Variants in PCDHAC2 observed in about 807,000 individuals in gnomAD.
PCDHAC2 encodes the protein protocadherin alpha-C2.
Under a neutral mutation model 63.3 loss-of-function variants are expected in PCDHAC2, and 24 were observed. The ratio of observed to expected loss-of-function variants is 0.38; its 90% CI spans 0.27 to 0.53. PCDHAC2 has a LOEUF of 0.53. Among genes scored for constraint, PCDHAC2 ranks in the 20% least tolerant of loss-of-function variants. The probability of loss-of-function intolerance (pLI) is 0.81; values close to 1 mark genes in which losing one functional copy is unlikely to be tolerated. For synonymous variants in PCDHAC2, 569 were observed against 529.4 expected (o/e 1.07, Z -1.03); for missense variants, 1,181 against 1,275.2 (o/e 0.93, Z 1.12).
intron 3 of PCDHAC2, among the ~76,000 whole-genome samples, chr5:140,989,551 C>T (rs964653534): frequency 2.0e-5 from 3 of 152,178 alleles, no homozygotes; most frequent in African/African-American, 4.8e-5. Flanking sequence ...AATTCCTTTA[C>T]GTTTTGTGGC....
In PCDHAC2 at chr5:140,969,260, C is replaced by G. The variant is rs782595245; in HGVS notation, c.2494C>G (p.Leu832Val). Reference sequence around the variant, plus strand: ...AGCAGCAGTGACTGACAGCAGGAATCTCACAGGCCAAAGTGGTCAGAATGC... The same window carrying G: ...AGCAGCAGTGACTGACAGCAGGAATGTCACAGGCCAAAGTGGTCAGAATGC... ...AQAAVTDSRN[L>V]TGQSGQNAGN... Residue 832 changes from leucine to valine, a missense_variant, in exon 1 of 4, where the codon CTC becomes GTC. By Grantham distance (32) the Leu-to-Val change is conservative. Transcript: ENST00000289269. The G allele has an allele frequency of 6.2e-7, 1 of 1,614,228 alleles. No homozygotes were observed. Among genetic ancestry groups the G allele is most frequent in the South Asian group, 1.1e-5 (1 of 91,086 alleles).
At chr5:140,977,831 T>C (rs987042342) in intron 1 of PCDHAC2, among the ~76,000 whole-genome samples, 3 of 152,240 alleles carry the variant, frequency 2.0e-5, no homozygotes, top group Admixed American at 1.3e-4. Flanking sequence ...AATGGTCTAT[T>C]GATATTACTA....
Position 140,968,681 on chromosome 5 carries a change from A to G in PCDHAC2, c.1915A>G (p.Thr639Ala). ...DLDLFKVELH[T>A]GEIRTTRKMG... is the part of the protein sequence containing the mutation. ...GGACCTCTTTAAGGTAGAGCTGCACACAGGAGAAATTAGGACTACCAGGAA... is the reference window on the plus strand; with the variant it reads ...GGACCTCTTTAAGGTAGAGCTGCACGCAGGAGAAATTAGGACTACCAGGAA... The change falls in exon 1 of 4, where the codon ACA becomes GCA. Residue 639 changes from threonine to alanine, a missense_variant. By Grantham distance (58) the Thr-to-Ala change is moderately conservative. This residue lies in a region of PCDHAC2 where 968 missense variants were observed against 1,073.5 expected (regional missense o/e 0.90). Coordinates refer to ENST00000289269, the MANE Select transcript of PCDHAC2 (RefSeq NM_018899.6). 3 of 1,614,158 alleles carry G rather than the reference A, an allele frequency of 1.9e-6. No individual in the cohort carries two copies. The highest frequency in any genetic ancestry group is 2.5e-6 in the Non-Finnish European group (3 of 1,180,024).
intron 3 of PCDHAC2, among the ~76,000 whole-genome samples, chr5:140,999,451 C>T (rs1245812469): frequency 4.6e-5 from 7 of 152,084 alleles, no homozygotes; most frequent in African/African-American, 9.7e-5. Context: ...ATTCGTTCAA[C>T]GAATAAGTGG....
intron 3 of PCDHAC2, among the ~76,000 whole-genome samples, chr5:141,005,308 T>TA (rs2098205734): frequency 6.6e-6 from 1 of 152,214 alleles, no homozygotes; most frequent in Non-Finnish European, 1.5e-5. Context: ...TTGTGAATCT[T>TA]ACAGTGGTAG....
At chr5:141,004,156 A>G (rs2098155888) in intron 3 of PCDHAC2, among the ~76,000 whole-genome samples, 1 of 152,248 alleles carries the variant, frequency 6.6e-6, no homozygotes, top group Admixed American at 6.5e-5. Flanking sequence ...GACATTTTAT[A>G]GGCAAAGCCA....
At position 141,007,395 on chromosome 5, in the gene PCDHAC2, C is replaced by CA. The variant is rs35800918; in HGVS notation, c.2714-2209dup. 5.3e-3 allele frequency among the ~76,000 whole-genome samples: 498 copies of CA among 94,810 alleles called. 4 individuals carry two copies. The highest frequency in any genetic ancestry group is 0.049 in the East Asian group (166 of 3,398). 62.2% of individuals were successfully genotyped at this position (94,810 alleles called of 152,430 possible). On this transcript the variant is annotated intron_variant, in intron 3 of 3. Transcript: ENST00000289269. The stretch of plus-strand genomic sequence containing the variant: ...ATGGAACACCATCTCTACTAAAATA[C>CA]AAAAAAAAAAAAAAAAAAAAAAATT...
intron 3 of PCDHAC2, among the ~76,000 whole-genome samples, chr5:141,004,794 G>A (rs1272334301): frequency 6.6e-6 from 1 of 152,144 alleles, no homozygotes; most frequent in Non-Finnish European, 1.5e-5. Context: ...GGCAGATTCT[G>A]GCTGAGCTCA....
chr5:140,995,954 A>G (rs2097705768), intron 3 of PCDHAC2, among the ~76,000 whole-genome samples: 1 of 152,226 alleles, frequency 6.6e-6, no homozygotes, highest in South Asian at 2.1e-4. Context: ...TGCACGCAAA[A>G]TGCTTAGAAC....
chr5:141,000,389 C>CTATA (rs2097911342), intron 3 of PCDHAC2, among the ~76,000 whole-genome samples: 3 of 62,588 alleles, frequency 4.8e-5, no homozygotes, highest in Non-Finnish European at 8.6e-5. Flanking sequence ...CTCTCTCTCT[C>CTATA]TCTCTCTATA....
intron 1 of PCDHAC2, among the ~76,000 whole-genome samples, chr5:140,971,291 C>T (rs541777110): frequency 1.1e-4 from 17 of 152,164 alleles, no homozygotes; most frequent in Admixed American, 3.3e-4. Flanking sequence ...TTAATATGTA[C>T]TTTGGTACAC....
At chr5:140,984,784 A>G (rs1022121650) in intron 3 of PCDHAC2, among the ~76,000 whole-genome samples, 4 of 152,168 alleles carry the variant, frequency 2.6e-5, no homozygotes, top group Non-Finnish European at 4.4e-5. Context: ...TTGCTGGGTG[A>G]GCATAGACAA....
In PCDHAC2 at chr5:140,967,642, C is replaced by T. The variant is rs1554229731; in HGVS notation, c.876C>T (p.Leu292=). 2 of 1,614,164 alleles carry T rather than the reference C, an allele frequency of 1.2e-6. No homozygotes were observed. Residue 292 remains leucine, a synonymous_variant, in exon 1 of 4, where the codon CTC becomes CTT. Transcript: ENST00000289269. The stretch of plus-strand genomic sequence containing the variant: ...CGGATGAGGGCTCCAATGGTGAGCT[C>T]AGGTACTCCTTGAGCAGCTACACGT... The part of the protein sequence containing the change: ...SDPDEGSNGE[L]RYSLSSYTSD...
intron 3 of PCDHAC2, among the ~76,000 whole-genome samples, chr5:140,997,260 T>G (rs1364203100): frequency 6.6e-6 from 1 of 152,196 alleles, no homozygotes; most frequent in Admixed American, 6.5e-5. Flanking sequence ...GGTTCACTCT[T>G]CCAAATATTT....
chr5:140,968,909 G>T lies in PCDHAC2; in HGVS notation c.2143G>T (p.Val715Leu). The part of the protein sequence containing the change: ...TLYLIIALST[V>L]SFIFLLTIII... ...TTATCTAATAATAGCATTAAGCACA[G>T]TGTCTTTTATATTTCTTTTGACAAT... Residue 715 changes from valine (V) to leucine (L), a missense_variant, in exon 1 of 4, where the codon GTG becomes TTG. Around this residue, in one of 3 missense-constraint regions of PCDHAC2, gnomAD observed 968 missense variants for 1,073.5 expected, o/e 0.90. Coordinates refer to ENST00000289269, the MANE Select transcript of PCDHAC2 (RefSeq NM_018899.6). 6.2e-7 allele frequency: 1 copy of T among 1,614,172 alleles called. No homozygotes were observed. Among genetic ancestry groups the T allele is most frequent in the East Asian group, 2.2e-5 (1 of 44,878 alleles).
rs545348313 is a variant in PCDHAC2, at chr5:140,968,526, C to T, written c.1760C>T (p.Ser587Leu). ...PHILYPTSTN[S>L]SAAFEMVPRT... ...ATTCTGTACCCTACCTCAACCAACTCGTCAGCAGCCTTCGAGATGGTGCCT... is the reference window on the plus strand; with the variant it reads ...ATTCTGTACCCTACCTCAACCAACTTGTCAGCAGCCTTCGAGATGGTGCCT... Residue 587 changes from serine (S) to leucine (L), a missense_variant, in exon 1 of 4, where the codon TCG becomes TTG. Around this residue, in one of 3 missense-constraint regions of PCDHAC2, gnomAD observed 968 missense variants for 1,073.5 expected, o/e 0.90. Transcript: ENST00000289269. 9.9e-6 allele frequency: 16 copies of T among 1,614,200 alleles called. No individual in the cohort carries two copies. The Admixed American group carries it at 1.3e-4, about 13-fold the overall frequency.
rs547166699 is a variant in PCDHAC2 at position 140,982,068 on chromosome 5, TTAGAG to T, written c.2625-401_2625-397del. On this transcript the variant is annotated intron_variant, in intron 2 of 3. Transcript: ENST00000289269. ...AAAATATTTTAGTGTGTTTTCTTCT[TTAGAG>T]TAGAGAACCTAGGAACAAGAGAACC... 3.5e-3 allele frequency among the ~76,000 whole-genome samples: 532 copies of T among 152,340 alleles called. 2 individuals carry two copies. Among genetic ancestry groups the T allele is most frequent in the Non-Finnish European group, 5.4e-3 (369 of 68,028 alleles).
intron 3 of PCDHAC2, among the ~76,000 whole-genome samples, chr5:140,984,079 G>A (rs1554245959): frequency 2.0e-5 from 3 of 152,244 alleles, no homozygotes; most frequent in Admixed American, 2.0e-4. Context: ...CAACGATGGA[G>A]TGAAGAAATG....
chr5:140,985,039 G>A lies in PCDHAC2; in HGVS notation c.2713+2476G>A, dbSNP rs112093918. Among the ~76,000 whole-genome samples the A allele has an allele frequency of 5.2e-3, 789 of 152,178 alleles. 6 individuals carry two copies. Among genetic ancestry groups the A allele is most frequent in the African/African-American group, 0.018 (750 of 41,516 alleles). ...AGCAACCTCTGCCTCCTGGGTTCAA[G>A]TGATTCTCCTGCCTCAGCCTCCTGA... On this transcript the variant is annotated intron_variant, in intron 3 of 3. Transcript: ENST00000289269.
Sources: allele counts gnomAD v4.1 joint callset (sites outside exome capture counted in the v4.1 genomes callset), GRCh38; gene constraint gnomAD v4.1.1; regional missense constraint gnomAD v4.1.1; transcripts MANE v1.5; gene names NCBI Gene and HGNC (gene_info 2026-07-23, HGNC 2026-07-21).